Variants in CNTN4 observed in about 807,000 individuals in gnomAD.
The protein encoded by CNTN4 is contactin-4.
In CNTN4, 77 loss-of-function variants were observed where a neutral mutation model predicts 122.5. The observed-to-expected ratio is 0.63, with a 90% CI of 0.52 to 0.76. The LOEUF is 0.76. Among genes scored for constraint, CNTN4 ranks in the 30% least tolerant of loss-of-function variants. The pLI is 0.00. For missense variants in CNTN4, 1,256 were observed against 1,259.1 expected (o/e 1.00, Z 0.04); for synonymous variants, 512 against 447.0 (o/e 1.15, Z -1.83).
chr3:2,919,076 G>A (rs2094399988), intron 12 of CNTN4, among the ~76,000 whole-genome samples: 1 of 152,100 alleles, frequency 6.6e-6, no homozygotes, highest in African/African-American at 2.4e-5. Flanking sequence ...GGTCATGGTG[G>A]CTTACGCCTA....
At position 2,837,532 on chromosome 3, in the gene CNTN4, A is replaced by G. The variant is rs552064024; in HGVS notation, c.454+17951A>G. The stretch of plus-strand genomic sequence containing the variant: ...ATTTCATCTGCACACAGCAACGGTC[A>G]GACTACTTGGCTTTCTGCAGGGAAT... On this transcript the variant is annotated intron_variant, in intron 7 of 24. Coordinates refer to ENST00000418658, the MANE Select transcript of CNTN4 (RefSeq NM_175607.3). Among the ~76,000 whole-genome samples the G allele has an allele frequency of 4.5e-4, 68 of 152,342 alleles. 2 individuals are homozygous for G. In the South Asian group the frequency reaches 8.1e-3, roughly 18 times the overall value.
intron 7 of CNTN4, among the ~76,000 whole-genome samples, chr3:2,854,752 G>C (rs192770782): frequency 6.6e-6 from 1 of 152,104 alleles, no homozygotes. Context: ...TTACTTGAAA[G>C]CTTGCTCAGT....
chr3:2,742,186 A>C (rs943050802), intron 5 of CNTN4, among the ~76,000 whole-genome samples: 8 of 61,372 alleles, frequency 1.3e-4, no homozygotes, highest in Admixed American at 6.5e-4. Context: ...GGGGATCTTC[A>C]GCACTAGGTT....
At chr3:2,521,368 A>C in intron 3 of CNTN4, among the ~76,000 whole-genome samples, 1 of 93,788 alleles carries the variant, frequency 1.1e-5, no homozygotes, top group African/African-American at 4.6e-5. Flanking sequence ...GCAATAAGTC[A>C]CTCATTTCTC....
At chr3:2,784,524 A>G (rs2149896821) in intron 6 of CNTN4, among the ~76,000 whole-genome samples, 1 of 152,302 alleles carries the variant, frequency 6.6e-6, no homozygotes, top group East Asian at 1.9e-4. Context: ...TCAAAGTTAA[A>G]CCATACTCTG....
chr3:2,609,625 C>T (rs1246543106), intron 4 of CNTN4, among the ~76,000 whole-genome samples: 1 of 152,114 alleles, frequency 6.6e-6, no homozygotes, highest in Non-Finnish European at 1.5e-5. Context: ...GTTAATTAAA[C>T]ATTATGGCTG....
chr3:2,238,060 T>A (rs73019060), intron 2 of CNTN4, among the ~76,000 whole-genome samples: 15 of 151,684 alleles, frequency 9.9e-5, no homozygotes, highest in Admixed American at 5.3e-4. Context: ...TGGAAAGTAA[T>A]TGACTAAAGA....
intron 10 of CNTN4, among the ~76,000 whole-genome samples, chr3:2,890,330 G>C (rs1577170940): frequency 6.6e-6 from 1 of 152,032 alleles, no homozygotes; most frequent in Admixed American, 6.5e-5. Context: ...CAGCTGCATA[G>C]GTCTCCAATT....
chr3:2,444,808 A>G (rs2151308135), intron 3 of CNTN4, among the ~76,000 whole-genome samples: 1 of 151,986 alleles, frequency 6.6e-6, no homozygotes, highest in East Asian at 1.9e-4. Context: ...GCTTTTACTT[A>G]TGTGGTTTTA....
intron 3 of CNTN4, among the ~76,000 whole-genome samples, chr3:2,501,553 T>A (rs978519144): frequency 3.3e-5 from 5 of 152,180 alleles, no homozygotes; most frequent in Non-Finnish European, 5.9e-5. Flanking sequence ...CCACAGCTTG[T>A]GGCCTGTTCA....
chr3:2,136,840 T>C (rs1262008456), intron 2 of CNTN4, among the ~76,000 whole-genome samples: 1 of 152,220 alleles, frequency 6.6e-6, no homozygotes, highest in African/African-American at 2.4e-5. Context: ...TTAATTATAA[T>C]GTCTGTTCTT....
chr3:2,234,532 G>A (rs1279650310), intron 2 of CNTN4, among the ~76,000 whole-genome samples: 1 of 152,040 alleles, frequency 6.6e-6, no homozygotes, highest in Non-Finnish European at 1.5e-5. Context: ...ATTGTTGATG[G>A]GGATTTATGC....
chr3:2,569,982 G>A (rs1379141951), intron 3 of CNTN4, among the ~76,000 whole-genome samples: 1 of 151,952 alleles, frequency 6.6e-6, no homozygotes, highest in East Asian at 1.9e-4. Context: ...GATGGGCCCA[G>A]TGCTTCACCT....
At chr3:2,501,282 G>C (rs2076587295) in intron 3 of CNTN4, among the ~76,000 whole-genome samples, 2 of 152,152 alleles carry the variant, frequency 1.3e-5, no homozygotes, top group South Asian at 4.1e-4. Context: ...CCACCACTAG[G>C]AAGTGTAAAT....
intron 2 of CNTN4, among the ~76,000 whole-genome samples, chr3:2,132,169 G>T (rs533423446): frequency 4.6e-5 from 7 of 152,142 alleles, no homozygotes; most frequent in African/African-American, 1.2e-4. Context: ...AGCTAACCAC[G>T]TGGAGAAAGA....
chr3:2,687,775 C>G (rs1316686497), intron 4 of CNTN4, among the ~76,000 whole-genome samples: 1 of 152,102 alleles, frequency 6.6e-6, no homozygotes, highest in African/African-American at 2.4e-5. Flanking sequence ...GGGTTTTCAT[C>G]AAGTTATTAG....
chr3:2,397,658 C>G (rs906573354), intron 3 of CNTN4, among the ~76,000 whole-genome samples: 7 of 152,002 alleles, frequency 4.6e-5, no homozygotes, highest in African/African-American at 1.7e-4. Flanking sequence ...GTAATGTAGC[C>G]AATGGATTGG....
chr3:2,214,207 G>A (rs2038738342), intron 2 of CNTN4, among the ~76,000 whole-genome samples: 1 of 152,080 alleles, frequency 6.6e-6, no homozygotes, highest in African/African-American at 2.4e-5. Flanking sequence ...CCTGAGTATG[G>A]AAATCTGGTT....
intron 2 of CNTN4, among the ~76,000 whole-genome samples, chr3:2,274,211 T>G (rs1442302239): frequency 2.6e-5 from 4 of 152,028 alleles, no homozygotes; most frequent in Non-Finnish European, 5.9e-5. Flanking sequence ...GGTGAAAACC[T>G]GTCTCTACTA....
Sources: allele counts gnomAD v4.1 joint callset (sites outside exome capture counted in the v4.1 genomes callset), GRCh38; gene constraint gnomAD v4.1.1; transcripts MANE v1.5; gene names NCBI Gene and HGNC (gene_info 2026-07-23, HGNC 2026-07-21).